PCOLCE2: variants seen among roughly 807,000 people sequenced by gnomAD.
The protein encoded by PCOLCE2 is procollagen C-proteinase enhancer 2.
PCOLCE2 carries 42 observed loss-of-function variants against 47.0 expected under a neutral mutation model. That is an observed-to-expected ratio of 0.89 (90% CI 0.70 to 1.16). PCOLCE2 has a LOEUF of 1.16. Among genes scored for constraint, PCOLCE2 ranks in the 50% most tolerant of loss-of-function variants. The probability of loss-of-function intolerance (pLI) is 0.00; values close to 1 mark genes in which losing one functional copy is unlikely to be tolerated. For synonymous variants in PCOLCE2, 169 were observed against 191.7 expected (o/e 0.88, Z 0.98); for missense variants, 500 against 526.1 (o/e 0.95, Z 0.49).
chr3:142,844,118 T>C (rs1330298592), intron 3 of PCOLCE2, among the ~76,000 whole-genome samples: 1 of 152,160 alleles, frequency 6.6e-6, no homozygotes, highest in Non-Finnish European at 1.5e-5. Context: ...TACTCTGAAA[T>C]GCACAAATCT....
At chr3:142,825,231 C>T (rs1023989741) in intron 6 of PCOLCE2, among the ~76,000 whole-genome samples, 1 of 152,108 alleles carries the variant, frequency 6.6e-6, no homozygotes, top group African/African-American at 2.4e-5. Flanking sequence ...TGGGAACCGG[C>T]TGCTTCTCAG....
chr3:142,860,101 T>A (rs997098623), intron 2 of PCOLCE2, among the ~76,000 whole-genome samples: 3 of 152,222 alleles, frequency 2.0e-5, no homozygotes, highest in Non-Finnish European at 4.4e-5. Flanking sequence ...GTCCATAGTT[T>A]TTAACAGCAA....
chr3:142,856,708 C>T (rs139370276), intron 2 of PCOLCE2, among the ~76,000 whole-genome samples: 10 of 152,318 alleles, frequency 6.6e-5, no homozygotes, highest in African/African-American at 2.4e-4. Flanking sequence ...AAAGAGATAA[C>T]GTTGAAAACG....
chr3:142,878,560 C>T (rs1351710711), intron 2 of PCOLCE2, among the ~76,000 whole-genome samples: 7 of 152,126 alleles, frequency 4.6e-5, no homozygotes, highest in African/African-American at 1.7e-4. Context: ...AGCGACAGCA[C>T]ACAAAAGCAC....
chr3:142,830,220 G>A (rs1937129841), intron 5 of PCOLCE2, among the ~76,000 whole-genome samples: 1 of 152,180 alleles, frequency 6.6e-6, no homozygotes, highest in Admixed American at 6.5e-5. Context: ...GCAGACGTTG[G>A]GACATGGCTG....
intron 2 of PCOLCE2, among the ~76,000 whole-genome samples, chr3:142,882,028 G>A (rs372109153): frequency 6.6e-6 from 1 of 151,568 alleles, no homozygotes; most frequent in Non-Finnish European, 1.5e-5. Flanking sequence ...CATCATCATC[G>A]TCGTCATCAT....
At chr3:142,851,045 G>A (rs1217327620) in intron 2 of PCOLCE2, among the ~76,000 whole-genome samples, 1 of 152,188 alleles carries the variant, frequency 6.6e-6, no homozygotes, top group Non-Finnish European at 1.5e-5. Flanking sequence ...TGACAGAAGG[G>A]AAGACAGATG....
chr3:142,839,718 G>A (rs1235872390), intron 4 of PCOLCE2, among the ~76,000 whole-genome samples: 1 of 152,122 alleles, frequency 6.6e-6, no homozygotes, highest in East Asian at 1.9e-4. Flanking sequence ...ATTTCACAAT[G>A]TATACATATA....
chr3:142,888,110 A>C (rs1490984342), intron 1 of PCOLCE2, among the ~76,000 whole-genome samples: 1 of 152,248 alleles, frequency 6.6e-6, no homozygotes, highest in Non-Finnish European at 1.5e-5. Context: ...GGTAAGAGCC[A>C]GGCTGAATGA....
At chr3:142,870,797 A>G (rs1267921881) in intron 2 of PCOLCE2, among the ~76,000 whole-genome samples, 1 of 151,108 alleles carries the variant, frequency 6.6e-6, no homozygotes, top group African/African-American at 2.4e-5. Flanking sequence ...GCACACCTAC[A>G]CATAGTTGGA....
At chr3:142,827,209 G>T in intron 6 of PCOLCE2, 1 of 1,257,002 alleles carries the variant, frequency 8.0e-7, no homozygotes, top group Non-Finnish European at 1.2e-6. Flanking sequence ...CGGAGGGGAT[G>T]CCGATGTGCT....
intron 5 of PCOLCE2, among the ~76,000 whole-genome samples, chr3:142,838,283 C>G (rs1344777395): frequency 2.6e-5 from 4 of 152,010 alleles, no homozygotes; most frequent in Non-Finnish European, 4.4e-5. Context: ...GATCTGTGTC[C>G]CTGCCCAAAT....
chr3:142,824,030 T>C (rs1300340728), intron 6 of PCOLCE2, among the ~76,000 whole-genome samples: 1 of 152,216 alleles, frequency 6.6e-6, no homozygotes, highest in Non-Finnish European at 1.5e-5. Flanking sequence ...CCTGAGGACA[T>C]CCTTAAAATA....
intron 5 of PCOLCE2, among the ~76,000 whole-genome samples, chr3:142,837,698 A>G (rs1168421935): frequency 3.9e-5 from 6 of 152,216 alleles, no homozygotes; most frequent in Non-Finnish European, 2.9e-5. Context: ...ACAGTTATAT[A>G]TTGCACCAGA....
intron 2 of PCOLCE2, among the ~76,000 whole-genome samples, chr3:142,860,899 G>C (rs1436126972): frequency 6.6e-6 from 1 of 152,182 alleles, no homozygotes; most frequent in Admixed American, 6.5e-5. Context: ...CAGCACAGCT[G>C]TGGGCTGGGA....
chr3:142,826,272 T>A (rs6807862), intron 6 of PCOLCE2, among the ~76,000 whole-genome samples: 1 of 151,890 alleles, frequency 6.6e-6, no homozygotes, highest in African/African-American at 2.4e-5. Flanking sequence ...CTCCCAAAGT[T>A]CTGGGATTAC....
At chr3:142,845,852 G>A (rs536417511) in intron 3 of PCOLCE2, among the ~76,000 whole-genome samples, 239 of 152,266 alleles carry the variant, frequency 1.6e-3, no homozygotes, top group African/African-American at 5.5e-3. Flanking sequence ...GCGCATGCCT[G>A]TAATCCCAGC....
chr3:142,876,719 C>G (rs1473799506), intron 2 of PCOLCE2, among the ~76,000 whole-genome samples: 1 of 152,206 alleles, frequency 6.6e-6, no homozygotes, highest in Admixed American at 6.5e-5. Context: ...GGGCCTCTCT[C>G]TCTCCACAAA....
intron 2 of PCOLCE2, among the ~76,000 whole-genome samples, chr3:142,878,224 G>A (rs959589798): frequency 5.9e-5 from 9 of 152,138 alleles, no homozygotes; most frequent in African/African-American, 1.9e-4. Flanking sequence ...TTTAGTGGCA[G>A]GGCTTGTGCT....
Sources: gnomAD v4.1 joint callset for allele counts (sites outside exome capture counted in the v4.1 genomes callset) on GRCh38, gnomAD v4.1.1 for gene constraint, MANE v1.5 for transcripts, NCBI Gene and HGNC (gene_info 2026-07-23, HGNC 2026-07-21) for gene names.